EPM2A: variants seen among roughly 807,000 people sequenced by gnomAD.
EPM2A encodes EPM2A glucan phosphatase, laforin.
EPM2A carries 21 observed loss-of-function variants against 26.5 expected under a neutral mutation model. That is an observed-to-expected ratio of 0.79 (90% CI 0.56 to 1.14). The LOEUF (loss-of-function observed/expected upper bound fraction) is 1.14. EPM2A is among the 50% of genes most tolerant of loss of function. The pLI is 0.00. For missense variants in EPM2A, 458 were observed against 440.8 expected (o/e 1.04, Z -0.35); for synonymous variants, 217 against 177.6 (o/e 1.22, Z -1.76).
chr6:145,559,420 T>C lies in EPM2A; in HGVS notation c.341-56845A>G, dbSNP rs181293611. Among the ~76,000 whole-genome samples, 228 of 152,248 alleles carry C rather than the reference T, an allele frequency of 1.5e-3. 6 individuals carry two copies. The East Asian group carries it at 0.037, about 25-fold the overall frequency. On this transcript the variant is annotated intron_variant, in intron 2 of 3. Transcript: ENST00000450221. ...TTTGGCCAATTTCCTTTCTTAGACTTGGTTTCTATTATCAAAATAGCAGAC... is the reference window on the plus strand; with the variant it reads ...TTTGGCCAATTTCCTTTCTTAGACTCGGTTTCTATTATCAAAATAGCAGAC...
intron 4 of EPM2A, among the ~76,000 whole-genome samples, chr6:145,431,176 A>T (rs1778917528): frequency 6.6e-6 from 1 of 152,230 alleles, no homozygotes; most frequent in African/African-American, 2.4e-5. Flanking sequence ...GTAAGTAAAC[A>T]TTGCTGTTTT....
At chr6:145,438,518 GGCTGGAGT>G (rs1779018849) in intron 4 of EPM2A, among the ~76,000 whole-genome samples, 1 of 141,838 alleles carries the variant, frequency 7.1e-6, no homozygotes, top group African/African-American at 2.5e-5. Flanking sequence ...CTGTCACCCA[GGCTGGAGT>G]GCAGTGTCAT....
intron 4 of EPM2A, among the ~76,000 whole-genome samples, chr6:145,456,366 A>G (rs1779262668): frequency 6.6e-6 from 1 of 152,224 alleles, no homozygotes; most frequent in Admixed American, 6.5e-5. Flanking sequence ...AGACGTTTGC[A>G]TGCTTGCAAA....
intron 2 of EPM2A, chr6:145,670,480 G>A (rs1045885114): frequency 6.6e-6 from 1 of 152,050 alleles, no homozygotes; most frequent in Non-Finnish European, 1.5e-5. Context: ...GATAATACAC[G>A]AGGGAGCACA....
At chr6:145,646,297 C>T (rs1453016856) in intron 2 of EPM2A, among the ~76,000 whole-genome samples, 4 of 152,112 alleles carry the variant, frequency 2.6e-5, no homozygotes, top group Admixed American at 6.6e-5. Context: ...GCTGGGATTA[C>T]AGGCACGTGC....
At chr6:145,499,115 G>C (rs1473477988), downstream of EPM2A, among the ~76,000 whole-genome samples, 3 of 152,064 alleles carry the variant, frequency 2.0e-5, no homozygotes, top group African/African-American at 7.2e-5. Flanking sequence ...CTGATTATGG[G>C]TAATTTCTGA....
rs575041255 is a variant in EPM2A, at chr6:145,663,574, A to T, written c.476+22548T>A. On this transcript the variant is annotated intron_variant, in intron 2 of 3. Transcript: ENST00000367519. Reference sequence around the variant, plus strand: ...GAAAGTGATGCGGAGAATAGAACCAAGTTGGAAAACACTCTGCAGGATATT... The same window carrying T: ...GAAAGTGATGCGGAGAATAGAACCATGTTGGAAAACACTCTGCAGGATATT... Among the ~76,000 whole-genome samples, 186 of 152,204 alleles carry T rather than the reference A, an allele frequency of 1.2e-3. 1 individual carries two copies. Among genetic ancestry groups the T allele is most frequent in the African/African-American group, 4.3e-3 (179 of 41,546 alleles).
chr6:145,420,925 A>G (rs1338297342), intron 4 of EPM2A, among the ~76,000 whole-genome samples: 1 of 152,110 alleles, frequency 6.6e-6, no homozygotes, highest in African/African-American at 2.4e-5. Context: ...TTCTACAATA[A>G]TGGCACTAAA....
chr6:145,397,857 A>G (rs1389272621), intron 4 of EPM2A, among the ~76,000 whole-genome samples: 1 of 152,172 alleles, frequency 6.6e-6, no homozygotes, highest in Non-Finnish European at 1.5e-5. Context: ...ACCAAACCCA[A>G]GTTGATCAAA....
At chr6:145,391,730 C>T (rs964784874) in intron 4 of EPM2A, among the ~76,000 whole-genome samples, 1 of 152,112 alleles carries the variant, frequency 6.6e-6, no homozygotes, top group African/African-American at 2.4e-5. Context: ...CTAGATTCCC[C>T]GTGATTGAAG....
intron 4 of EPM2A, among the ~76,000 whole-genome samples, chr6:145,405,721 A>G (rs1456586521): frequency 1.3e-5 from 2 of 152,162 alleles, no homozygotes; most frequent in African/African-American, 4.8e-5. Flanking sequence ...CTTGGGCTAT[A>G]ACCACATTGG....
chr6:145,677,182 C>A (rs869033506), intron 2 of EPM2A, among the ~76,000 whole-genome samples: 2 of 152,078 alleles, frequency 1.3e-5, no homozygotes, highest in African/African-American at 2.4e-5. Context: ...ATGAAAAAAA[C>A]CACATGATTA....
chr6:145,668,026 AG>A (rs1233544818), intron 2 of EPM2A, among the ~76,000 whole-genome samples: 2 of 81,700 alleles, frequency 2.4e-5, no homozygotes, highest in African/African-American at 9.6e-5. Context: ...GGGTGGGGGG[AG>A]GGGGGAGGGA....
Position 145,592,543 on chromosome 6 carries a change from G to A in EPM2A, c.340+42702C>T, listed in dbSNP as rs906017358. On this transcript the variant is annotated intron_variant, in intron 2 of 3. Transcript: ENST00000450221. ...ATATACCCAGTAATGGGATGGCTGC[G>A]TCAAATGGTATTTCTAGTTCTACAA... Among the ~76,000 whole-genome samples, 14 of 152,194 alleles carry A rather than the reference G, an allele frequency of 9.2e-5. No homozygotes were observed. The East Asian group carries it at 1.4e-3, about 15-fold the overall frequency.
At chr6:145,515,496 C>T (rs377130) in intron 2 of EPM2A, among the ~76,000 whole-genome samples, 68,428 of 151,896 alleles carry the variant, frequency 0.45, 15,457 homozygotes, top group South Asian at 0.58. Flanking sequence ...TGCTGAAAGA[C>T]CCTGTGTCTG....
intron 2 of EPM2A, among the ~76,000 whole-genome samples, chr6:145,590,406 C>T (rs550549601): frequency 1.3e-5 from 2 of 151,394 alleles, no homozygotes; most frequent in East Asian, 1.9e-4. Context: ...CTCTAGCCTT[C>T]GTATCTCACT....
chr6:145,499,532 C>A (rs927271985), downstream of EPM2A, among the ~76,000 whole-genome samples: 3 of 152,156 alleles, frequency 2.0e-5, no homozygotes, highest in African/African-American at 7.2e-5. Flanking sequence ...CTATATGTTT[C>A]TTAAGGGCAG....
At chr6:145,639,363 G>A (rs1192845670) in intron 2 of EPM2A, 1 of 152,154 alleles carries the variant, frequency 6.6e-6, no homozygotes, top group Non-Finnish European at 1.5e-5. Flanking sequence ...CAAGTCACAT[G>A]AGGTACTTTT....
chr6:145,387,301 T>A (rs1038136970), intron 4 of EPM2A, among the ~76,000 whole-genome samples: 1 of 152,146 alleles, frequency 6.6e-6, no homozygotes, highest in African/African-American at 2.4e-5. Flanking sequence ...ACATTAATGA[T>A]GAGGGTTCTG....
Sources: allele counts gnomAD v4.1 joint callset (sites outside exome capture counted in the v4.1 genomes callset), GRCh38; gene constraint gnomAD v4.1.1; transcripts MANE v1.5; gene names NCBI Gene and HGNC (gene_info 2026-07-23, HGNC 2026-07-21).